MARCHF1: variants seen among roughly 807,000 people sequenced by gnomAD.
MARCHF1 encodes the protein membrane associated ring-CH-type finger 1.
MARCHF1 carries 40 observed loss-of-function variants against 54.2 expected under a neutral mutation model. The ratio of observed to expected loss-of-function variants is 0.74; its 90% CI spans 0.57 to 0.96. MARCHF1 has a LOEUF of 0.96. Ranked by LOEUF, MARCHF1 falls within the 40% of genes least tolerant of loss-of-function variation. The pLI is 0.00. For synonymous variants in MARCHF1, 236 were observed against 236.3 expected (o/e 1.00, Z 0.01); for missense variants, 586 against 656.5 (o/e 0.89, Z 1.17).
intron 4 of MARCHF1, among the ~76,000 whole-genome samples, chr4:163,832,189 G>A (rs142511550): frequency 5.3e-5 from 8 of 152,268 alleles, no homozygotes; most frequent in East Asian, 3.9e-4. Context: ...GTTTCTAATT[G>A]GGGAAAACAG....
intron 2 of MARCHF1, among the ~76,000 whole-genome samples, chr4:164,045,745 T>G (rs1754229916): frequency 6.6e-6 from 1 of 150,782 alleles, no homozygotes; most frequent in South Asian, 2.1e-4. Context: ...TGTAATACAC[T>G]TCCTCCTCCT....
At chr4:163,981,818 G>C (rs1340070690) in intron 3 of MARCHF1, among the ~76,000 whole-genome samples, 1 of 152,190 alleles carries the variant, frequency 6.6e-6, no homozygotes, top group Non-Finnish European at 1.5e-5. Context: ...TCCACATGAA[G>C]TTTTTGTTCA....
intron 4 of MARCHF1, among the ~76,000 whole-genome samples, chr4:163,761,677 G>A (rs760005558): frequency 2.6e-5 from 4 of 152,160 alleles, no homozygotes; most frequent in Non-Finnish European, 5.9e-5. Context: ...GGAACCCACA[G>A]TGAAGGGAAT....
chr4:163,845,668 A>T (rs1749465429), intron 4 of MARCHF1, among the ~76,000 whole-genome samples: 1 of 152,186 alleles, frequency 6.6e-6, no homozygotes, highest in African/African-American at 2.4e-5. Flanking sequence ...TTTATATCTA[A>T]GTTAAGCACA....
In MARCHF1 at chr4:164,065,178, G is replaced by A. The variant is rs184237412; in HGVS notation, c.-248+46410C>T. Among the ~76,000 whole-genome samples, 283 of 152,266 alleles carry A rather than the reference G, an allele frequency of 1.9e-3. 1 individual carries two copies. The highest frequency in any genetic ancestry group is 3.2e-3 in the Non-Finnish European group (220 of 68,024). The stretch of plus-strand genomic sequence containing the variant: ...TGCTGGCCTCATAGAATGAGTTAGG[G>A]AGAAGTCCCTCCTTTTCAATTGTTT... On this transcript the variant is annotated intron_variant, in intron 2 of 9. Coordinates refer to ENST00000514618, the MANE Select transcript of MARCHF1 (RefSeq NM_001394959.1).
intron 4 of MARCHF1, among the ~76,000 whole-genome samples, chr4:163,802,383 T>C (rs776099094): frequency 3.3e-5 from 5 of 152,112 alleles, no homozygotes; most frequent in Non-Finnish European, 5.9e-5. Context: ...AGTGATATGG[T>C]AATAAAAGTC....
At chr4:163,938,167 A>G (rs966543682) in intron 3 of MARCHF1, among the ~76,000 whole-genome samples, 1 of 152,174 alleles carries the variant, frequency 6.6e-6, no homozygotes, top group Non-Finnish European at 1.5e-5. Context: ...CATTTGGCAC[A>G]CTTCTTTTAG....
intron 1 of MARCHF1, among the ~76,000 whole-genome samples, chr4:164,244,371 G>A (rs1300041442): frequency 1.6e-4 from 25 of 152,190 alleles, no homozygotes; most frequent in African/African-American, 5.3e-4. Flanking sequence ...GGTACATAAC[G>A]AAATGAAGGC....
intron 1 of MARCHF1, among the ~76,000 whole-genome samples, chr4:164,382,914 T>C (rs1242246372): frequency 1.3e-5 from 2 of 152,198 alleles, no homozygotes; most frequent in Non-Finnish European, 2.9e-5. Context: ...AAATCTTTTC[T>C]GGAACTACTG....
At chr4:163,602,109 T>C (rs1166734195) in intron 7 of MARCHF1, among the ~76,000 whole-genome samples, 5 of 152,088 alleles carry the variant, frequency 3.3e-5, no homozygotes, top group African/African-American at 1.2e-4. Context: ...AAGGTGTGTG[T>C]GTGCGTCAGT....
At chr4:163,758,922 T>A (rs1396304920) in intron 4 of MARCHF1, among the ~76,000 whole-genome samples, 1 of 152,168 alleles carries the variant, frequency 6.6e-6, no homozygotes, top group Non-Finnish European at 1.5e-5. Flanking sequence ...AATAAGCAAA[T>A]AAAAGGTTTT....
intron 2 of MARCHF1, among the ~76,000 whole-genome samples, chr4:164,060,315 C>T (rs947017034): frequency 3.3e-5 from 5 of 151,822 alleles, no homozygotes; most frequent in African/African-American, 4.8e-5. Flanking sequence ...TTATAATATA[C>T]GTAAGACATA....
chr4:164,059,364 C>A (rs530996438), intron 2 of MARCHF1, among the ~76,000 whole-genome samples: 5 of 152,000 alleles, frequency 3.3e-5, no homozygotes, highest in African/African-American at 1.2e-4. Flanking sequence ...ATATGCAATT[C>A]GGTAGAATGC....
chr4:163,862,016 G>A (rs568721989), intron 3 of MARCHF1, among the ~76,000 whole-genome samples: 37 of 152,074 alleles, frequency 2.4e-4, no homozygotes, highest in African/African-American at 8.2e-4. Context: ...ACATTCATAT[G>A]CAAAAAAATG....
chr4:163,901,194 T>C (rs1043741604), intron 3 of MARCHF1, among the ~76,000 whole-genome samples: 2 of 152,244 alleles, frequency 1.3e-5, no homozygotes, highest in Admixed American at 1.3e-4. Context: ...TCAGTAAACA[T>C]GCCCTGAGAA....
chr4:163,750,641 A>T (rs115716848), intron 4 of MARCHF1, among the ~76,000 whole-genome samples: 6 of 152,196 alleles, frequency 3.9e-5, no homozygotes, highest in Non-Finnish European at 7.3e-5. Context: ...TTTCAAGCAC[A>T]CACAAACTCC....
chr4:163,845,478 C>T lies in MARCHF1; in HGVS notation c.111+8543G>A, dbSNP rs985908461. Among the ~76,000 whole-genome samples, 306 of 151,492 alleles carry T rather than the reference C, an allele frequency of 2.0e-3. 1 individual carries two copies. The highest frequency in any genetic ancestry group is 7.0e-3 in the African/African-American group (288 of 41,320). ...CCTCAGTTACACACACACACACACA[C>T]ACACACACACACACACACACACACA... On this transcript the variant is annotated intron_variant, in intron 4 of 9. Coordinates refer to ENST00000514618, the MANE Select transcript of MARCHF1 (RefSeq NM_001394959.1).
chr4:164,236,943 T>C (rs1353488590), intron 1 of MARCHF1, among the ~76,000 whole-genome samples: 3 of 152,160 alleles, frequency 2.0e-5, no homozygotes, highest in African/African-American at 7.2e-5. Context: ...TGTCTATCTC[T>C]TGTAATTGCA....
chr4:163,827,158 G>A (rs1342714242), intron 4 of MARCHF1, among the ~76,000 whole-genome samples: 3 of 151,630 alleles, frequency 2.0e-5, no homozygotes, highest in Admixed American at 2.0e-4. Flanking sequence ...TTTATCTTCG[G>A]CTGAAAATAA....
Sources: gnomAD v4.1 joint callset for allele counts (sites outside exome capture counted in the v4.1 genomes callset) on GRCh38, gnomAD v4.1.1 for gene constraint, MANE v1.5 for transcripts, NCBI Gene and HGNC (gene_info 2026-07-23, HGNC 2026-07-21) for gene names.